CENPP: variants seen among roughly 807,000 people sequenced by gnomAD.
The protein encoded by CENPP is centromere protein P.
Under a neutral mutation model 35.6 loss-of-function variants are expected in CENPP, and 24 were observed. The observed-to-expected ratio is 0.67, with a 90% confidence interval of 0.49 to 0.95. CENPP has a LOEUF of 0.95. Among genes scored for constraint, CENPP ranks in the 40% least tolerant of loss-of-function variants. The probability of loss-of-function intolerance (pLI) is 0.00; values close to 1 mark genes in which losing one functional copy is unlikely to be tolerated. For missense variants in CENPP, 332 were observed against 345.3 expected (o/e 0.96, Z 0.31); for synonymous variants, 120 against 125.5 (o/e 0.96, Z 0.29).
At chr9:92,444,528 G>A (rs1379389892) in intron 5 of CENPP, among the ~76,000 whole-genome samples, 6 of 150,694 alleles carry the variant, frequency 4.0e-5, no homozygotes, top group Admixed American at 3.3e-4. Context: ...TTTTTTGCTT[G>A]TGATTTTGGT....
chr9:92,474,624 C>T, intron 5 of CENPP: 1 of 1,607,220 alleles, frequency 6.2e-7, no homozygotes, highest in South Asian at 1.1e-5. Context: ...ATATTCTTAC[C>T]TAAATCTGAG....
rs1851406651 is a variant in CENPP at position 92,615,632 on chromosome 9, A to T, written c.*2483A>T. On this transcript the variant is annotated 3_prime_UTR_variant, in exon 8 of 8. Coordinates refer to ENST00000375587, the MANE Select transcript of CENPP (RefSeq NM_001012267.3). Reference sequence around the variant, plus strand: ...GAGTGTGAGCAGCTTCCTGGGACACAGCACTCACTTCCTACATTCCTTGTC... The same window carrying T: ...GAGTGTGAGCAGCTTCCTGGGACACTGCACTCACTTCCTACATTCCTTGTC... 8 of 561,006 alleles carry T rather than the reference A, an allele frequency of 1.4e-5. No homozygotes were observed. The highest frequency in any genetic ancestry group is 2.6e-5 in the Non-Finnish European group (8 of 313,132). 34.8% of individuals were successfully genotyped at this position (561,006 alleles called of 1,614,324 possible).
intron 5 of CENPP, among the ~76,000 whole-genome samples, chr9:92,472,329 C>A (rs750111903): frequency 6.6e-6 from 1 of 151,542 alleles, no homozygotes; most frequent in Non-Finnish European, 1.5e-5. Flanking sequence ...TGCACTCCAG[C>A]CTGGGTGACA....
At chr9:92,552,727 GA>G (rs1020111810) in intron 5 of CENPP, among the ~76,000 whole-genome samples, 2 of 152,192 alleles carry the variant, frequency 1.3e-5, no homozygotes, top group East Asian at 3.9e-4. Context: ...GTTCGTTGTA[GA>G]TTCTGGTTAT....
rs529170499 is a variant in CENPP at position 92,368,304 on chromosome 9, A to G, written c.468-11459A>G. 7.9e-5 allele frequency among the ~76,000 whole-genome samples: 12 copies of G among 152,336 alleles called. No homozygotes were observed. In the South Asian group the frequency reaches 1.9e-3, roughly 24 times the overall value. On this transcript the variant is annotated intron_variant, in intron 4 of 7. Coordinates refer to ENST00000375587, the MANE Select transcript of CENPP (RefSeq NM_001012267.3). ...CCTTCAAGACCTGGACACTGTCCCC[A>G]AGATATCTCATTATATACATGCAAA...
intron 4 of CENPP, among the ~76,000 whole-genome samples, chr9:92,372,202 G>T (rs1842027728): frequency 7.9e-6 from 1 of 126,400 alleles, no homozygotes; most frequent in African/African-American, 3.0e-5. Flanking sequence ...GATTTTGTTT[G>T]CATGGGATAT....
intron 5 of CENPP, among the ~76,000 whole-genome samples, chr9:92,501,235 T>C (rs2131153256): frequency 6.6e-6 from 1 of 152,250 alleles, no homozygotes; most frequent in South Asian, 2.1e-4. Context: ...CCAAGCTGCA[T>C]GTCCTTACCA....
chr9:92,570,107 C>T (rs1392492924), intron 5 of CENPP, among the ~76,000 whole-genome samples: 1 of 152,098 alleles, frequency 6.6e-6, no homozygotes, highest in Non-Finnish European at 1.5e-5. Context: ...CCAGAGCTTC[C>T]AACACTATGT....
At chr9:92,572,513 C>A (rs56189846) in intron 5 of CENPP, among the ~76,000 whole-genome samples, 3 of 152,184 alleles carry the variant, frequency 2.0e-5, no homozygotes, top group Non-Finnish European at 4.4e-5. Flanking sequence ...TCTCTGGCTG[C>A]TCTTAACATT....
rs1845713505 is a variant in CENPP, at chr9:92,476,319, A to T, written c.564+96460A>T. Among the ~76,000 whole-genome samples, 1 of 152,140 alleles carries T rather than the reference A, an allele frequency of 6.6e-6. No individual in the cohort carries two copies. The highest frequency in any genetic ancestry group is 2.1e-4 in the South Asian group (1 of 4,826). On this transcript the variant is annotated intron_variant, in intron 5 of 7. Transcript: ENST00000375587. This position sits in a 1 kb window ranked among gnomAD's most constrained non-coding sequence, Gnocchi z 4.1. ...AAAAAATCAGCTTTAACATCTCTCC[A>T]TGGGCCTGCTTTTTCCTGGATTTAA...
chr9:92,470,925 AC>A (rs1344016784), intron 5 of CENPP: 3 of 580,016 alleles, frequency 5.2e-6, no homozygotes, highest in Admixed American at 3.9e-5. Flanking sequence ...GACAAAAAAA[AC>A]ATTGTTTTGG....
chr9:92,617,612 T>G lies in CENPP; in HGVS notation c.*4463T>G, dbSNP rs916999527. Reference sequence around the variant, plus strand: ...TTGGAGAATGAGGCTCAGGTGGCCTTCTGGCTGCAGGGGGGCAGCCCTTGC... The same window carrying G: ...TTGGAGAATGAGGCTCAGGTGGCCTGCTGGCTGCAGGGGGGCAGCCCTTGC... On this transcript the variant is annotated 3_prime_UTR_variant, in exon 8 of 8. Transcript: ENST00000375587. The G allele has an allele frequency of 1.3e-5, 2 of 154,208 alleles. No homozygotes were observed. Among genetic ancestry groups the G allele is most frequent in the Non-Finnish European group, 2.9e-5 (2 of 69,480 alleles). 9.6% of individuals were successfully genotyped at this position (154,208 alleles called of 1,614,324 possible).
chr9:92,355,400 A>G (rs1391697193), intron 4 of CENPP, among the ~76,000 whole-genome samples: 1 of 151,902 alleles, frequency 6.6e-6, no homozygotes, highest in Non-Finnish European at 1.5e-5. Context: ...TAATTCAGCC[A>G]CTACTTTAAT....
chr9:92,469,806 C>A (rs1845443006), intron 5 of CENPP, among the ~76,000 whole-genome samples: 1 of 152,160 alleles, frequency 6.6e-6, no homozygotes, highest in Non-Finnish European at 1.5e-5. Flanking sequence ...CCTCCAAACC[C>A]AATTTCAGAC....
At chr9:92,452,244 ATAGC>A (rs911611586) in intron 5 of CENPP, among the ~76,000 whole-genome samples, 8 of 151,856 alleles carry the variant, frequency 5.3e-5, no homozygotes, top group Non-Finnish European at 8.8e-5. Context: ...TCTGTCATAG[ATAGC>A]TCTTATTATT....
At chr9:92,488,947 ATATGC>A (rs1480288643) in intron 5 of CENPP, among the ~76,000 whole-genome samples, 3 of 152,226 alleles carry the variant, frequency 2.0e-5, no homozygotes, top group African/African-American at 7.2e-5. Flanking sequence ...AAAGGAAAAA[ATATGC>A]TAGACTAAGT....
chr9:92,507,724 A>C (rs771282773), intron 5 of CENPP, among the ~76,000 whole-genome samples: 3 of 152,184 alleles, frequency 2.0e-5, no homozygotes, highest in Non-Finnish European at 4.4e-5. Context: ...AGTGACAACA[A>C]AAATGCTTTT....
intron 5 of CENPP, among the ~76,000 whole-genome samples, chr9:92,527,767 A>G (rs572425776): frequency 5.3e-5 from 8 of 151,512 alleles, no homozygotes; most frequent in Non-Finnish European, 1.2e-4. Context: ...GAAACCTACA[A>G]TGGTAGTAGC....
chr9:92,481,129 C>A (rs1320489062), intron 5 of CENPP, among the ~76,000 whole-genome samples: 2 of 152,172 alleles, frequency 1.3e-5, no homozygotes, highest in Non-Finnish European at 2.9e-5. Context: ...TATGATGTTT[C>A]CCACAGTGCC....
Sources: gnomAD v4.1 joint callset for allele counts (sites outside exome capture counted in the v4.1 genomes callset) on GRCh38, gnomAD v4.1.1 for gene constraint, Gnocchi (gnomAD v3.1) non-coding constraint, MANE v1.5 for transcripts, NCBI Gene and HGNC (gene_info 2026-07-23, HGNC 2026-07-21) for gene names.